Variants in COLGALT2 observed in about 807,000 individuals in gnomAD.
COLGALT2 encodes collagen beta(1-O)galactosyltransferase 2.
Under a neutral mutation model 73.4 loss-of-function variants are expected in COLGALT2, and 49 were observed. That is an observed-to-expected ratio of 0.67 (90% CI 0.53 to 0.85). The LOEUF (loss-of-function observed/expected upper bound fraction) is 0.85, where lower values mean the gene tolerates loss of function less well. Among genes scored for constraint, COLGALT2 ranks in the 40% least tolerant of loss-of-function variants. The pLI, the probability that COLGALT2 is intolerant of heterozygous loss-of-function variation, is 0.00. For synonymous variants in COLGALT2, 295 were observed against 307.6 expected (o/e 0.96, Z 0.43); for missense variants, 722 against 790.2 (o/e 0.91, Z 1.03).
chr1:183,930,241 GTCA>G, exon 12 of COLGALT2: 1 of 456,298 alleles, frequency 2.2e-6, no homozygotes, highest in South Asian at 1.5e-5. Flanking sequence ...ACCGTTGGCA[GTCA>G]TCAGAAAGTG....
chr1:183,941,613 A>G (rs1423688562), intron 10 of COLGALT2, among the ~76,000 whole-genome samples: 9 of 152,138 alleles, frequency 5.9e-5, no homozygotes, highest in Non-Finnish European at 1.2e-4. Context: ...TACTTCCTCT[A>G]TTTTGCCCTA....
chr1:183,984,633 C>A (rs1671441416), intron 1 of COLGALT2, among the ~76,000 whole-genome samples: 1 of 152,164 alleles, frequency 6.6e-6, no homozygotes, highest in Non-Finnish European at 1.5e-5. Flanking sequence ...TCCTGGCCTG[C>A]TTTCTTTGGA....
At chr1:183,999,880 G>A (rs1671868953) in intron 1 of COLGALT2, among the ~76,000 whole-genome samples, 1 of 151,760 alleles carries the variant, frequency 6.6e-6, no homozygotes, top group African/African-American at 2.4e-5. Context: ...CCATATATTG[G>A]ATTATTAGTC....
At chr1:183,997,305 G>T (rs903605136) in intron 1 of COLGALT2, among the ~76,000 whole-genome samples, 2 of 152,020 alleles carry the variant, frequency 1.3e-5, no homozygotes, top group African/African-American at 4.8e-5. Context: ...TTATATAGAC[G>T]TTTAAGAGAA....
intron 8 of COLGALT2, among the ~76,000 whole-genome samples, chr1:183,947,959 A>G (rs1020930069): frequency 6.6e-5 from 10 of 152,292 alleles, no homozygotes; most frequent in African/African-American, 2.4e-4. Context: ...TAATACTATG[A>G]ACAATTGTAT....
intron 1 of COLGALT2, among the ~76,000 whole-genome samples, chr1:184,016,959 T>G (rs1649020995): frequency 6.6e-6 from 1 of 152,242 alleles, no homozygotes; most frequent in Non-Finnish European, 1.5e-5. Flanking sequence ...CAAAGTTGAT[T>G]GAAACTTGGT....
intron 1 of COLGALT2, among the ~76,000 whole-genome samples, chr1:183,991,007 G>T (rs1671615066): frequency 6.6e-6 from 1 of 152,204 alleles, no homozygotes; most frequent in African/African-American, 2.4e-5. Flanking sequence ...ATTCCTCAGA[G>T]GAAATGTTCA....
At chr1:184,000,287 G>A (rs1442129183) in intron 1 of COLGALT2, among the ~76,000 whole-genome samples, 1 of 151,950 alleles carries the variant, frequency 6.6e-6, no homozygotes, top group Non-Finnish European at 1.5e-5. Context: ...TGCAGTGGTG[G>A]TACTTTTTTT....
intron 1 of COLGALT2, among the ~76,000 whole-genome samples, chr1:183,996,654 C>T (rs1415062219): frequency 6.6e-6 from 1 of 152,198 alleles, no homozygotes; most frequent in Non-Finnish European, 1.5e-5. Context: ...CACTGCTTAT[C>T]TGCCTTAAAA....
At position 183,944,407 on chromosome 1, in the gene COLGALT2, G is replaced by A. The variant is rs923118128; in HGVS notation, c.1270-84C>T. 4.2e-6 allele frequency: 6 copies of A among 1,432,896 alleles called. No individual in the cohort carries two copies. In the Admixed American group the frequency reaches 6.4e-5, roughly 15 times the overall value. 88.8% of individuals were successfully genotyped at this position (1,432,896 alleles called of 1,614,324 possible). On this transcript the variant is annotated intron_variant, in intron 9 of 11. Coordinates refer to ENST00000361927, the MANE Select transcript of COLGALT2 (RefSeq NM_015101.4). ...AGATAAATAAGTATTAAAAAGTCAC[G>A]AGTCTAGTAGCACAGATTCATAACT...
At chr1:183,954,152 G>A (rs547020680) in intron 7 of COLGALT2, among the ~76,000 whole-genome samples, 1 of 152,294 alleles carries the variant, frequency 6.6e-6, no homozygotes, top group South Asian at 2.1e-4. Flanking sequence ...ATTACCAGGA[G>A]GGGAACCTCT....
chr1:183,969,488 A>G lies in COLGALT2; in HGVS notation c.628-15T>C. 1 of 1,591,756 alleles carries G rather than the reference A, an allele frequency of 6.3e-7. No homozygotes were observed. The highest frequency in any genetic ancestry group is 8.6e-7 in the Non-Finnish European group (1 of 1,168,316). On this transcript the variant is annotated splice_polypyrimidine_tract_variant and intron_variant, in intron 4 of 11. Coordinates refer to ENST00000361927, the MANE Select transcript of COLGALT2 (RefSeq NM_015101.4). ...TTATAGAAGCCCTGTAAAAGAGCAA[A>G]TAGGTGGGTTGTGTTTTCTGATTTG...
intron 4 of COLGALT2, among the ~76,000 whole-genome samples, chr1:183,971,180 G>T (rs7515190): frequency 5.3e-5 from 8 of 151,966 alleles, no homozygotes; most frequent in Non-Finnish European, 1.0e-4. Context: ...CTGTTCATTG[G>T]CCAGACAACA....
intron 6 of COLGALT2, among the ~76,000 whole-genome samples, chr1:183,960,911 C>T (rs994141974): frequency 6.6e-6 from 1 of 152,162 alleles, no homozygotes; most frequent in Non-Finnish European, 1.5e-5. Flanking sequence ...TCTAACAACA[C>T]TATTAGCAGC....
intron 1 of COLGALT2, among the ~76,000 whole-genome samples, chr1:184,019,573 A>G (rs1227101535): frequency 6.6e-6 from 1 of 152,206 alleles, no homozygotes; most frequent in Non-Finnish European, 1.5e-5. Context: ...TAGGAGATGC[A>G]GAAATCAAAG....
At chr1:184,003,745 A>C (rs981531283) in intron 1 of COLGALT2, among the ~76,000 whole-genome samples, 2 of 152,118 alleles carry the variant, frequency 1.3e-5, no homozygotes, top group Non-Finnish European at 2.9e-5. Flanking sequence ...ATACCATTTC[A>C]ATTTTTCTAT....
chr1:183,937,050 C>A lies in COLGALT2; in HGVS notation c.*1711G>T. The A allele has an allele frequency of 8.1e-7, 1 of 1,231,654 alleles. No homozygotes were observed. The highest frequency in any genetic ancestry group is 4.1e-5 in the South Asian group (1 of 24,276). 76.3% of individuals were successfully genotyped at this position (1,231,654 alleles called of 1,614,324 possible). On this transcript the variant is annotated 3_prime_UTR_variant, in exon 12 of 12. Transcript: ENST00000361927. ...TGCTGTTCAACCTTAATGTGGCAAT[C>A]AGTATCACATGGGCAGTGAACTGAA...
At chr1:183,939,073 C>A (rs375007888) in intron 11 of COLGALT2, 36 bp from the exon 12 acceptor site, 14 of 1,543,300 alleles carry the variant, frequency 9.1e-6, no homozygotes, top group Admixed American at 1.7e-5. Context: ...CATGAGGGGG[C>A]GGAAAGGAGA....
At chr1:183,984,305 T>G (rs1220023399) in intron 1 of COLGALT2, among the ~76,000 whole-genome samples, 1 of 152,202 alleles carries the variant, frequency 6.6e-6, no homozygotes, top group Non-Finnish European at 1.5e-5. Flanking sequence ...CTTGGGAAGC[T>G]GAGGCAGGAA....
Sources: allele counts gnomAD v4.1 joint callset (sites outside exome capture counted in the v4.1 genomes callset), GRCh38; gene constraint gnomAD v4.1.1; transcripts MANE v1.5; gene names NCBI Gene and HGNC (gene_info 2026-07-23, HGNC 2026-07-21).